The following FADS3 variants were observed in gnomAD, a reference collection of about 807,000 sequenced individuals.
FADS3 encodes the protein fatty acid desaturase 3, also known as cytochrome b5-related protein.
FADS3 carries 30 observed loss-of-function variants against 60.4 expected under a neutral mutation model. The ratio of observed to expected loss-of-function variants is 0.50; its 90% CI spans 0.37 to 0.67. FADS3 has a LOEUF of 0.67. FADS3 is among the 30% of genes least tolerant of loss of function. The pLI, the probability that FADS3 is intolerant of heterozygous loss-of-function variation, is 0.00. For synonymous variants in FADS3, 234 were observed against 249.3 expected, an observed-to-expected ratio of 0.94 and a Z score of 0.58; for missense variants, 432 against 598.3, an observed-to-expected ratio of 0.72 and a Z score of 2.90.
chr11:61,880,121 T>C lies in FADS3; in HGVS notation c.244A>G (p.Asn82Asp). The C allele has an allele frequency of 6.2e-7, 1 of 1,613,856 alleles. No individual in the cohort carries two copies. The highest frequency in any genetic ancestry group is 8.5e-7 in the Non-Finnish European group (1 of 1,179,904). Residue 82 changes from asparagine (N) to aspartate (D), a missense_variant, in exon 2 of 12, where the codon AAT becomes GAT. Transcript: ENST00000278829. ...DAFRAFHQDLNFVRKFLQPLL... is the reference protein window; with the variant it reads ...DAFRAFHQDLDFVRKFLQPLL... ...GGCTGTAGGAACTTGCGCACAAAATTGAGATCTTGATGGAAGGCACGGAAG... is the reference window on the plus strand; with the variant it reads ...GGCTGTAGGAACTTGCGCACAAAATCGAGATCTTGATGGAAGGCACGGAAG...
chr11:61,875,416 A>G (rs1430817991), intron 11 of FADS3, among the ~76,000 whole-genome samples: 1 of 117,168 alleles, frequency 8.5e-6, no homozygotes, highest in Non-Finnish European at 1.7e-5. Flanking sequence ...TTTTTTTAGT[A>G]GAGACGGGGT....
At chr11:61,890,183 A>G (rs1251417832) in intron 1 of FADS3, 1 of 146,784 alleles carries the variant, frequency 6.8e-6, no homozygotes, top group African/African-American at 2.5e-5. Flanking sequence ...CCTCAGCTTC[A>G]TGGGGTGGAA....
At chr11:61,891,048 G>A (rs1938488030) in intron 1 of FADS3, 121 bp downstream of exon 1, 8 of 893,262 alleles carry the variant, frequency 9.0e-6, no homozygotes, top group Non-Finnish European at 1.4e-5. Context: ...CCGGCGTGGA[G>A]GTCAAAGGTC....
Position 61,873,850 on chromosome 11 carries a change from A to T in FADS3, c.1302T>A (p.Ser434=). The change falls in exon 12 of 12, where the codon TCT becomes TCA. Residue 434 remains serine, a synonymous_variant. Transcript: ENST00000278829. The part of the protein sequence containing the change: ...LVDIVRSLKK[S]GDIWLDAYLH... The stretch of plus-strand genomic sequence containing the variant: ...GGTAGGCGTCCAGCCAGATGTCACC[A>T]GACTTCTTCAGGGACCTGGGAGGTG... The T allele has an allele frequency of 6.2e-7, 1 of 1,600,998 alleles. No homozygotes were observed. Among genetic ancestry groups the T allele is most frequent in the Non-Finnish European group, 8.5e-7 (1 of 1,173,204 alleles).
In FADS3 at chr11:61,891,374, C is replaced by T. The variant is rs1463092638; in HGVS notation, c.8G>A (p.Gly3Asp). ...CTCCCGCGGTCCCGGCTCCCCGACG[C>T]CGCCCATGCTGCACGCACGAGTCCT... is the stretch of plus-strand genomic sequence containing the variant. MG[G>D]VGEPGPREGP... Residue 3 changes from glycine to aspartate, a missense_variant, in exon 1 of 12, where the codon GGC becomes GAC. Around this residue, in one of 5 missense-constraint regions of FADS3, gnomAD observed 167 missense variants for 188.8 expected, o/e 0.88. Coordinates refer to ENST00000278829, the MANE Select transcript of FADS3 (RefSeq NM_021727.5). The T allele has an allele frequency of 6.8e-7, 1 of 1,472,928 alleles. No homozygotes were observed. The highest frequency in any genetic ancestry group is 2.4e-4 in the Middle Eastern group (1 of 4,132). 91.2% of individuals were successfully genotyped at this position (1,472,928 alleles called of 1,614,324 possible).
intron 1 of FADS3, 29 bp downstream of exon 1, chr11:61,891,139 CG>C: frequency 3.9e-6 from 6 of 1,540,254 alleles, no homozygotes; most frequent in Non-Finnish European, 4.4e-6. Flanking sequence ...CTCCACCCGC[CG>C]GTGGGTGGCT....
At position 61,876,274 on chromosome 11, in the gene FADS3, T is replaced by C; in HGVS notation, c.1081-84A>G. 1 of 1,579,128 alleles carries C rather than the reference T, an allele frequency of 6.3e-7. No individual in the cohort carries two copies. Among genetic ancestry groups the C allele is most frequent in the Non-Finnish European group, 8.6e-7 (1 of 1,158,422 alleles). ...CACCATCCCCCACCTGGCAGCCCCG[T>C]CAGGGCCTCATCCCTGCTTTGCCAT... On this transcript the variant is annotated intron_variant, in intron 9 of 11. Coordinates refer to ENST00000278829, the MANE Select transcript of FADS3 (RefSeq NM_021727.5). This position sits in a 1 kb window ranked among gnomAD's most constrained non-coding sequence, Gnocchi z 5.7.
At position 61,876,646 on chromosome 11, in the gene FADS3, C is replaced by T. The variant is rs769546032; in HGVS notation, c.984-191G>A. The T allele has an allele frequency of 1.4e-5, 9 of 659,052 alleles. No homozygotes were observed. The South Asian group carries it at 1.6e-4, about 12-fold the overall frequency. The allele number at this position is 659,052 out of a possible 1,614,324, so 40.8% of individuals were successfully genotyped here. A position where few individuals can be genotyped will look rare whatever the true frequency, so the allele number is the denominator to read the frequency against. On this transcript the variant is annotated intron_variant, in intron 8 of 11. Transcript: ENST00000278829. This position sits in a 1 kb window ranked among gnomAD's most constrained non-coding sequence, Gnocchi z 5.7. ...GTCCACTGTGAGGCTGAGTCCAGAG[C>T]AGCTCCGACACCCACCGGGCCACTT...
rs1030664463 is a variant in FADS3 at position 61,891,514 on chromosome 11, C to T, written c.-133G>A. 1.1e-4 allele frequency: 61 copies of T among 546,730 alleles called. No homozygotes were observed. Among genetic ancestry groups the T allele is most frequent in the African/African-American group, 8.5e-4 (43 of 50,626 alleles). 33.9% of individuals were successfully genotyped at this position (546,730 alleles called of 1,614,324 possible). A position where few individuals can be genotyped will look rare whatever the true frequency, so the allele number is the denominator to read the frequency against. ...TCCGGCCCCGCCCTGCCGCCGCGGC[C>T]GCCGTACGAGCGAGCGTGCGCCTCC... On this transcript the variant is annotated 5_prime_UTR_variant, in exon 1 of 12. Coordinates refer to ENST00000278829, the MANE Select transcript of FADS3 (RefSeq NM_021727.5).
Position 61,873,668 on chromosome 11 carries a change from G to A in FADS3, c.*146C>T, listed in dbSNP as rs1024080459. On this transcript the variant is annotated 3_prime_UTR_variant, in exon 12 of 12. Coordinates refer to ENST00000278829, the MANE Select transcript of FADS3 (RefSeq NM_021727.5). Reference sequence around the variant, plus strand: ...ATAGGGCTGCTGAATACACATGTGAGGGGGCCGAGGGGAAGACAACAGTAC... The same window carrying A: ...ATAGGGCTGCTGAATACACATGTGAAGGGGCCGAGGGGAAGACAACAGTAC... 15 of 689,932 alleles carry A rather than the reference G, an allele frequency of 2.2e-5. No individual in the cohort carries two copies. Among genetic ancestry groups the A allele is most frequent in the Non-Finnish European group, 2.9e-5 (11 of 377,968 alleles). 42.7% of individuals were successfully genotyped at this position (689,932 alleles called of 1,614,324 possible). A position where few individuals can be genotyped will look rare whatever the true frequency, so the allele number is the denominator to read the frequency against.
intron 5 of FADS3, 94 bp from the exon 6 acceptor site, chr11:61,878,309 A>C (rs760606821): frequency 2.1e-6 from 3 of 1,432,160 alleles, no homozygotes; most frequent in Non-Finnish European, 2.9e-6. Context: ...CAAGGGTCAA[A>C]GGCAACTCTA....
rs2044321993 is a variant in FADS3 at position 61,873,672 on chromosome 11, G to C, written c.*142C>G. The C allele has an allele frequency of 1.4e-6, 1 of 695,454 alleles. No individual in the cohort carries two copies. Among genetic ancestry groups the C allele is most frequent in the African/African-American group, 1.8e-5 (1 of 57,010 alleles). 43.1% of individuals were successfully genotyped at this position (695,454 alleles called of 1,614,324 possible). Reference sequence around the variant, plus strand: ...GGCTGCTGAATACACATGTGAGGGGGCCGAGGGGAAGACAACAGTACCAGG... The same window carrying C: ...GGCTGCTGAATACACATGTGAGGGGCCCGAGGGGAAGACAACAGTACCAGG... On this transcript the variant is annotated 3_prime_UTR_variant, in exon 12 of 12. Coordinates refer to ENST00000278829, the MANE Select transcript of FADS3 (RefSeq NM_021727.5).
rs546801211 is a variant in FADS3 at position 61,887,628 on chromosome 11, G to T, written c.213+3541C>A. Among the ~76,000 whole-genome samples, 5 of 152,308 alleles carry T rather than the reference G, an allele frequency of 3.3e-5. No homozygotes were observed. In the East Asian group the frequency reaches 7.7e-4, roughly 23 times the overall value. On this transcript the variant is annotated intron_variant, in intron 1 of 11. Coordinates refer to ENST00000278829, the MANE Select transcript of FADS3 (RefSeq NM_021727.5). ...TGTATTCCTGGAACACAGGACGCAC[G>T]GTCCCACCTCTGAGCCTTTGCTCTA...
chr11:61,876,304 C>T lies in FADS3; in HGVS notation c.1080+55G>A. 2 of 1,596,242 alleles carry T rather than the reference C, an allele frequency of 1.3e-6. No homozygotes were observed. The highest frequency in any genetic ancestry group is 1.1e-5 in the South Asian group (1 of 90,200). The stretch of plus-strand genomic sequence containing the variant: ...GCCTCATCCCTGCTTTGCCATCTGG[C>T]TCCTAGCTGGGACCCCCCACCCCAC... On this transcript the variant is annotated intron_variant, in intron 9 of 11. Coordinates refer to ENST00000278829, the MANE Select transcript of FADS3 (RefSeq NM_021727.5). This position sits in a 1 kb window ranked among gnomAD's most constrained non-coding sequence, Gnocchi z 5.7.
In FADS3 at chr11:61,878,279, G is replaced by A. The variant is rs531085517; in HGVS notation, c.748-64C>T. 7.3e-4 allele frequency: 1,129 copies of A among 1,550,310 alleles called. 12 individuals are homozygous for A. Among genetic ancestry groups the A allele is most frequent in the Non-Finnish European group, 6.5e-5 (73 of 1,122,814 alleles). On this transcript the variant is annotated intron_variant, in intron 5 of 11. Coordinates refer to ENST00000278829, the MANE Select transcript of FADS3 (RefSeq NM_021727.5). ...AGGCCACCTCCTTCTCCCGGGCAAG[G>A]TCACGGGGCTGGCTGGGGCCAAGGG...
rs897833274 is a variant in FADS3 at position 61,891,542 on chromosome 11, G to C, written c.-161C>G. 1 of 368,270 alleles carries C rather than the reference G, an allele frequency of 2.7e-6. No homozygotes were observed. Among genetic ancestry groups the C allele is most frequent in the East Asian group, 5.6e-5 (1 of 18,002 alleles). 22.8% of individuals were successfully genotyped at this position (368,270 alleles called of 1,614,324 possible). On this transcript the variant is annotated 5_prime_UTR_variant, in exon 1 of 12. Transcript: ENST00000278829. ...CGTACGAGCGAGCGTGCGCCTCCCG[G>C]CTCGCGGCGCAGGGAACTCCCCGCC...
At chr11:61,878,378 G>C in intron 5 of FADS3, 134 bp downstream of exon 5, 1 of 1,410,582 alleles carries the variant, frequency 7.1e-7, no homozygotes, top group Non-Finnish European at 9.8e-7. Flanking sequence ...GGAAAGACAC[G>C]GGGGCAGAGC....
At position 61,891,274 on chromosome 11, in the gene FADS3, G is replaced by A. The variant is rs2136004916; in HGVS notation, c.108C>T (p.Asp36=). 6.5e-7 allele frequency: 1 copy of A among 1,538,900 alleles called. No individual in the cohort carries two copies. Among genetic ancestry groups the A allele is most frequent in the African/African-American group, 1.4e-5 (1 of 73,098 alleles). The change falls in exon 1 of 12, where the codon GAC becomes GAT. Residue 36 remains aspartate, a synonymous_variant. Coordinates refer to ENST00000278829, the MANE Select transcript of FADS3 (RefSeq NM_021727.5). ...CGCGGCGCTCGATGACCAGCCACTTGTCGCCGGGCTGGTCGTGCGCGCGGA... is the reference window on the plus strand; with the variant it reads ...CGCGGCGCTCGATGACCAGCCACTTATCGCCGGGCTGGTCGTGCGCGCGGA... ...EQIRAHDQPG[D]KWLVIERRVY... is the part of the protein sequence containing the mutation.
Position 61,891,160 on chromosome 11 carries a change from C to T in FADS3, c.213+9G>A. 6.4e-7 allele frequency: 1 copy of T among 1,556,082 alleles called. No homozygotes were observed. The highest frequency in any genetic ancestry group is 8.7e-7 in the Non-Finnish European group (1 of 1,149,770). On this transcript the variant is annotated intron_variant, in intron 1 of 11. Transcript: ENST00000278829. Reference sequence around the variant, plus strand: ...CCGCCGGTGGGTGGCTTCCTTATGGCTTCCTTACCGTGGCGTCCTCAGCGC... The same window carrying T: ...CCGCCGGTGGGTGGCTTCCTTATGGTTTCCTTACCGTGGCGTCCTCAGCGC...
Sources: gnomAD v4.1 joint callset for allele counts (sites outside exome capture counted in the v4.1 genomes callset) on GRCh38, gnomAD v4.1.1 for gene constraint, gnomAD v4.1.1 regional missense constraint, Gnocchi (gnomAD v3.1) non-coding constraint, MANE v1.5 for transcripts, NCBI Gene and HGNC (gene_info 2026-07-23, HGNC 2026-07-21) for gene names.